The following PCDH15 variants were observed in gnomAD, a reference collection of about 807,000 sequenced individuals.
PCDH15 encodes protocadherin-15.
PCDH15 carries 129 observed loss-of-function variants against 178.5 expected under a neutral mutation model. That is an observed-to-expected ratio of 0.72 (90% confidence interval 0.63 to 0.84). The LOEUF is 0.84. PCDH15 is among the 40% of genes least tolerant of loss of function. PCDH15 has a pLI of 0.00. For missense variants in PCDH15, 2,230 were observed against 2,099.9 expected (o/e 1.06, Z -1.21); for synonymous variants, 800 against 732.0 (o/e 1.09, Z -1.50).
intron 1 of PCDH15, among the ~76,000 whole-genome samples, chr10:55,293,732 A>G (rs1351589492): frequency 6.6e-6 from 1 of 152,178 alleles, no homozygotes; most frequent in Non-Finnish European, 1.5e-5. Flanking sequence ...CAAGTTCCTC[A>G]TCTTCATCTG....
At chr10:55,231,047 A>G (rs1841203394) in intron 1 of PCDH15, among the ~76,000 whole-genome samples, 1 of 152,056 alleles carries the variant, frequency 6.6e-6, no homozygotes, top group East Asian at 1.9e-4. Flanking sequence ...AGAATTACAT[A>G]TAATTCAATA....
chr10:54,172,418 G>C (rs539449154), intron 13 of PCDH15, among the ~76,000 whole-genome samples: 1 of 151,666 alleles, frequency 6.6e-6, no homozygotes, highest in Non-Finnish European at 1.5e-5. Context: ...CTCTCTTTTC[G>C]GACTCAGCCC....
At chr10:54,517,794 T>G (rs2082385876) in intron 3 of PCDH15, among the ~76,000 whole-genome samples, 1 of 152,076 alleles carries the variant, frequency 6.6e-6, no homozygotes, top group Admixed American at 6.5e-5. Context: ...ATTCCAAAAT[T>G]GACCACATAG....
chr10:55,617,049 C>G (rs1369775949), intron 2 of PCDH15, among the ~76,000 whole-genome samples: 1 of 152,048 alleles, frequency 6.6e-6, no homozygotes, highest in African/African-American at 2.4e-5. Flanking sequence ...AATCCCTGAG[C>G]AGACAAACCC....
chr10:54,715,007 T>C (rs920928216), intron 1 of PCDH15, among the ~76,000 whole-genome samples: 2 of 152,084 alleles, frequency 1.3e-5, no homozygotes, highest in Non-Finnish European at 2.9e-5. Context: ...ATTAAGCTAA[T>C]AGAAATTATT....
At chr10:55,138,159 A>T (rs1446407005) in intron 2 of PCDH15, among the ~76,000 whole-genome samples, 1 of 152,182 alleles carries the variant, frequency 6.6e-6, no homozygotes, top group Non-Finnish European at 1.5e-5. Flanking sequence ...TTTAGCAAAT[A>T]AACATATAAG....
intron 1 of PCDH15, among the ~76,000 whole-genome samples, chr10:55,222,465 C>A (rs1053634809): frequency 4.6e-5 from 7 of 151,718 alleles, no homozygotes; most frequent in African/African-American, 1.5e-4. Flanking sequence ...AATATTGATT[C>A]TTTTCATCCA....
chr10:55,414,747 T>C (rs2132038455), intron 2 of PCDH15, among the ~76,000 whole-genome samples: 1 of 149,974 alleles, frequency 6.7e-6, no homozygotes, highest in East Asian at 2.0e-4. Flanking sequence ...CTTTACTGAA[T>C]TCATATATTA....
At chr10:54,636,106 A>G (rs1298609920) in intron 2 of PCDH15, among the ~76,000 whole-genome samples, 1 of 151,910 alleles carries the variant, frequency 6.6e-6, no homozygotes, top group African/African-American at 2.4e-5. Context: ...CTGAATACTA[A>G]TCCATTTCTA....
chr10:55,405,318 T>C (rs926375371), intron 2 of PCDH15, among the ~76,000 whole-genome samples: 4 of 77,104 alleles, frequency 5.2e-5, no homozygotes, highest in Non-Finnish European at 6.0e-5. Flanking sequence ...TTTAATGTCA[T>C]GTAATTAAAG....
At chr10:54,421,944 TA>T (rs1171693793) in intron 3 of PCDH15, among the ~76,000 whole-genome samples, 8 of 107,336 alleles carry the variant, frequency 7.5e-5, no homozygotes, top group South Asian at 2.9e-4. Flanking sequence ...TATATATATA[TA>T]AAAATATATA....
chr10:54,172,285 C>T (rs1166009757), intron 13 of PCDH15, among the ~76,000 whole-genome samples: 2 of 151,992 alleles, frequency 1.3e-5, no homozygotes, highest in African/African-American at 2.4e-5. Flanking sequence ...TCAGAAACAC[C>T]CCCACTGAGC....
chr10:55,066,389 A>AT (rs926186494), intron 2 of PCDH15, among the ~76,000 whole-genome samples: 11 of 149,340 alleles, frequency 7.4e-5, no homozygotes, highest in South Asian at 2.1e-4. Context: ...AGTAACATTT[A>AT]TTTTTTTTTA....
chr10:55,079,418 C>G (rs1012785815), intron 2 of PCDH15, among the ~76,000 whole-genome samples: 7 of 152,178 alleles, frequency 4.6e-5, no homozygotes, highest in Admixed American at 3.9e-4. Flanking sequence ...TTAATGGAGG[C>G]TCTGGTAAAG....
intron 17 of PCDH15, among the ~76,000 whole-genome samples, chr10:54,075,938 T>G (rs1473096520): frequency 6.6e-6 from 1 of 152,126 alleles, no homozygotes; most frequent in Non-Finnish European, 1.5e-5. Context: ...TCCCTTGAAA[T>G]TTTAAAGATA....
At chr10:55,549,065 A>T (rs1314688003) in intron 2 of PCDH15, among the ~76,000 whole-genome samples, 2 of 152,140 alleles carry the variant, frequency 1.3e-5, no homozygotes, top group Non-Finnish European at 2.9e-5. Flanking sequence ...CATTTCAATC[A>T]TCTTGTTTTC....
chr10:54,489,049 C>T (rs183560176), intron 3 of PCDH15, among the ~76,000 whole-genome samples: 17 of 152,150 alleles, frequency 1.1e-4, no homozygotes, highest in Admixed American at 2.0e-4. Flanking sequence ...ATGTAACCTT[C>T]TGACATGAAT....
At position 55,280,269 on chromosome 10, in the gene PCDH15, CTTT is replaced by C. The variant is rs1007536850; in HGVS notation, c.-156+39327_-156+39329del. 2.7e-3 allele frequency among the ~76,000 whole-genome samples: 180 copies of C among 65,958 alleles called. 1 individual carries two copies. Among genetic ancestry groups the C allele is most frequent in the African/African-American group, 0.011 (169 of 15,038 alleles). The allele number at this position is 65,958 out of a possible 152,430, so 43.3% of individuals were successfully genotyped here. A position where few individuals can be genotyped will look rare whatever the true frequency, so the allele number is the denominator to read the frequency against. Reference sequence around the variant, plus strand: ...TGGAAAGGATGGGGTTATTTTGATTCTTTTTTTTTTTTTTTTTTTTTTTTTTGA... The same window carrying C: ...TGGAAAGGATGGGGTTATTTTGATTCTTTTTTTTTTTTTTTTTTTTTTTGA... On this transcript the variant is annotated intron_variant, in intron 1 of 5. Coordinates refer to the PCDH15 transcript ENST00000458638.
intron 3 of PCDH15, among the ~76,000 whole-genome samples, chr10:54,394,858 C>T (rs1189262907): frequency 2.0e-5 from 3 of 152,114 alleles, no homozygotes; most frequent in Non-Finnish European, 4.4e-5. Context: ...AGGAATGTTT[C>T]ATGCTGAGAA....
Sources: allele counts gnomAD v4.1 joint callset (sites outside exome capture counted in the v4.1 genomes callset), GRCh38; gene constraint gnomAD v4.1.1; transcripts MANE v1.5; gene names NCBI Gene and HGNC (gene_info 2026-07-23, HGNC 2026-07-21).